Variants in RTL4 observed in about 807,000 individuals in gnomAD.
RTL4 encodes retrotransposon Gag-like protein 4.
A neutral mutation model predicts 5.3 loss-of-function variants in RTL4; 4 were observed. That is an observed-to-expected ratio of 0.75 (90% CI 0.37 to 1.72). RTL4 has a LOEUF of 1.72. Among genes scored for constraint, RTL4 ranks in the 40% most tolerant of loss-of-function variants. The pLI is 0.04. For synonymous variants in RTL4, 98 were observed against 87.3 expected (o/e 1.12, Z -0.68); for missense variants, 260 against 227.1 (o/e 1.14, Z -0.93).
the RTL4 span, among the ~76,000 whole-genome samples, chrX:112,391,579 TAGTG>T: frequency 9.2e-6 from 1 of 108,821 alleles, no homozygotes; most frequent in Non-Finnish European, 1.9e-5. Flanking sequence ...GTGAGTGTGT[TAGTG>T]AGGTTATTTT....
chrX:112,346,725 C>T, the RTL4 span, among the ~76,000 whole-genome samples: 4 of 111,215 alleles, frequency 3.6e-5, no homozygotes, highest in Non-Finnish European at 7.5e-5. Flanking sequence ...GCAGAAGAAA[C>T]CATGTGTCTT....
At chrX:112,366,429 T>C in the RTL4 span, among the ~76,000 whole-genome samples, 1 of 111,572 alleles carries the variant, frequency 9.0e-6, no homozygotes, top group South Asian at 3.8e-4. Context: ...GCTCTGGATG[T>C]GCCCCAGTCC....
the RTL4 span, among the ~76,000 whole-genome samples, chrX:112,285,049 A>G: frequency 8.9e-6 from 1 of 112,062 alleles, no homozygotes; most frequent in Non-Finnish European, 1.9e-5. Context: ...TCATTCCTCT[A>G]AAAACAATGG....
the RTL4 span, among the ~76,000 whole-genome samples, chrX:112,398,364 T>C: frequency 1.8e-5 from 2 of 109,567 alleles, no homozygotes; most frequent in East Asian, 5.6e-4. Context: ...ATTGTCCCTT[T>C]TGTATATTGT....
At chrX:112,314,100 A>G in the RTL4 span, among the ~76,000 whole-genome samples, 7 of 111,929 alleles carry the variant, frequency 6.3e-5, no homozygotes, top group Non-Finnish European at 1.3e-4. Flanking sequence ...CCAGATATAC[A>G]AATATCAGTT....
chrX:112,083,061 C>G, the RTL4 span, among the ~76,000 whole-genome samples: 2 of 110,129 alleles, frequency 1.8e-5, no homozygotes, highest in Non-Finnish European at 3.8e-5. Context: ...AAGCCGCAGC[C>G]GCAGCCCCAA....
the RTL4 span, among the ~76,000 whole-genome samples, chrX:112,269,257 T>G: frequency 1.8e-5 from 2 of 112,300 alleles, no homozygotes; most frequent in Admixed American, 1.9e-4. Context: ...GAGTGATTTA[T>G]AGATTTCCTC....
the RTL4 span, among the ~76,000 whole-genome samples, chrX:112,393,025 C>T: frequency 9.1e-6 from 1 of 110,058 alleles, no homozygotes; most frequent in African/African-American, 3.3e-5. Context: ...AGAGCACTGA[C>T]AGGGGTGGCT....
chrX:112,189,679 T>A, the RTL4 span, among the ~76,000 whole-genome samples: 1 of 107,094 alleles, frequency 9.3e-6, no homozygotes. Context: ...CAGGAGAATC[T>A]CTTGAACCCA....
the RTL4 span, among the ~76,000 whole-genome samples, chrX:112,119,055 G>A: frequency 9.9e-6 from 1 of 100,524 alleles, no homozygotes; most frequent in African/African-American, 3.7e-5. Flanking sequence ...ACGGGGTTTC[G>A]CCATGTTGAC....
the RTL4 span, among the ~76,000 whole-genome samples, chrX:112,413,343 C>T: frequency 2.7e-5 from 3 of 111,344 alleles, no homozygotes; most frequent in Non-Finnish European, 5.7e-5. Flanking sequence ...CTACCAATTC[C>T]ACTGCTAGAT....
the RTL4 span, among the ~76,000 whole-genome samples, chrX:112,336,600 T>A: frequency 8.9e-6 from 1 of 112,447 alleles, no homozygotes; most frequent in Admixed American, 9.5e-5. Flanking sequence ...CAGAAGCCAG[T>A]AGCCACAGAT....
At chrX:112,345,288 C>G in the RTL4 span, among the ~76,000 whole-genome samples, 7 of 111,081 alleles carry the variant, frequency 6.3e-5, no homozygotes, top group African/African-American at 2.3e-4. Flanking sequence ...CTCAGGACAC[C>G]TCAGACTACA....
chrX:112,129,254 G>A, the RTL4 span, among the ~76,000 whole-genome samples: 1 of 111,619 alleles, frequency 9.0e-6, no homozygotes, highest in African/African-American at 3.3e-5. Context: ...GGAATGTAAT[G>A]TGTTTCATAC....
At chrX:112,226,957 A>AAAAT in the RTL4 span, among the ~76,000 whole-genome samples, 1 of 60,157 alleles carries the variant, frequency 1.7e-5, no homozygotes, top group African/African-American at 9.0e-5. Flanking sequence ...AAAATAAAAT[A>AAAAT]AAATAAAATA....
chrX:112,363,471 A>T, the RTL4 span, among the ~76,000 whole-genome samples: 1 of 110,788 alleles, frequency 9.0e-6, no homozygotes, highest in Non-Finnish European at 1.9e-5. Context: ...CCGAGTCCAT[A>T]GCAGTTTGCC....
the RTL4 span, among the ~76,000 whole-genome samples, chrX:112,202,984 C>T: frequency 3.6e-5 from 4 of 111,526 alleles, no homozygotes; most frequent in South Asian, 3.7e-4. Context: ...AGTGATATGT[C>T]GTTGTTTTAA....
At chrX:112,234,340 G>C in the RTL4 span, among the ~76,000 whole-genome samples, 2 of 111,806 alleles carry the variant, frequency 1.8e-5, no homozygotes, top group African/African-American at 3.3e-5. Context: ...TGTTTCTTCT[G>C]TTGGGTAATC....
At chrX:112,396,367 A>C in the RTL4 span, among the ~76,000 whole-genome samples, 1 of 111,645 alleles carries the variant, frequency 9.0e-6, no homozygotes, top group Non-Finnish European at 1.9e-5. Flanking sequence ...TACCCTCATC[A>C]GTGCCTCTTT....
Sources: allele counts gnomAD v4.1 joint callset (sites outside exome capture counted in the v4.1 genomes callset), GRCh38; gene constraint gnomAD v4.1.1; transcripts MANE v1.5; gene names NCBI Gene and HGNC (gene_info 2026-07-23, HGNC 2026-07-21).